The following CHRNA7 variants were observed in gnomAD, a reference collection of about 807,000 sequenced individuals.
CHRNA7 encodes the protein neuronal acetylcholine receptor subunit alpha-7.
Under a neutral mutation model 48.0 loss-of-function variants are expected in CHRNA7, and 17 were observed. That is an observed-to-expected ratio of 0.35 (90% confidence interval 0.24 to 0.53). The LOEUF is 0.53. Ranked by LOEUF, CHRNA7 falls within the 20% of genes least tolerant of loss-of-function variation. The pLI is 0.92. For synonymous variants in CHRNA7, 75 were observed against 242.3 expected (o/e 0.31, Z 6.41); for missense variants, 155 against 577.7 (o/e 0.27, Z 7.50).
intron 4 of CHRNA7, among the ~76,000 whole-genome samples, chr15:32,136,797 C>T (rs1007015274): frequency 4.0e-5 from 6 of 151,736 alleles, no homozygotes; most frequent in Middle Eastern, 3.4e-3. Flanking sequence ...TGTGGGAGGC[C>T]GGGGCGGGCG....
chr15:32,067,644 T>C (rs2049987687), intron 2 of CHRNA7, among the ~76,000 whole-genome samples: 1 of 152,184 alleles, frequency 6.6e-6, no homozygotes, highest in Non-Finnish European at 1.5e-5. Flanking sequence ...TCATAACTCT[T>C]TTTTTCTCCT....
chr15:32,111,677 G>C, intron 3 of CHRNA7, 113 bp from the exon 4 acceptor site: 1 of 633,418 alleles, frequency 1.6e-6, no homozygotes, highest in Non-Finnish European at 2.8e-6. Context: ...TAGCAATTCA[G>C]TTATAATAAA....
chr15:32,117,539 A>T (rs1193287383), intron 4 of CHRNA7, among the ~76,000 whole-genome samples: 1 of 152,182 alleles, frequency 6.6e-6, no homozygotes, highest in Non-Finnish European at 1.5e-5. Flanking sequence ...GGTAGGGAGC[A>T]TAGCAACAAT....
chr15:32,148,856 C>G (rs919915184), intron 4 of CHRNA7, among the ~76,000 whole-genome samples: 11 of 152,358 alleles, frequency 7.2e-5, no homozygotes, highest in Admixed American at 7.2e-4. Context: ...CCACCATGCC[C>G]TCCGCCAGGG....
rs975838416 is a variant in CHRNA7 at position 32,033,409 on chromosome 15, G to A, written c.195+2372G>A. Reference sequence around the variant, plus strand: ...AGAAGGGTGTGGTCACATGCCCAAGGTCACTCTGTGATTAGAGGTAGGGCT... The same window carrying A: ...AGAAGGGTGTGGTCACATGCCCAAGATCACTCTGTGATTAGAGGTAGGGCT... On this transcript the variant is annotated intron_variant, in intron 2 of 9. Transcript: ENST00000306901. Among the ~76,000 whole-genome samples the A allele has an allele frequency of 5.3e-5, 8 of 152,188 alleles. 1 individual carries two copies. Among genetic ancestry groups the A allele is most frequent in the African/African-American group, 1.9e-4 (8 of 41,448 alleles).
At chr15:32,146,861 G>A (rs886398085) in intron 4 of CHRNA7, among the ~76,000 whole-genome samples, 3 of 152,120 alleles carry the variant, frequency 2.0e-5, no homozygotes, top group Non-Finnish European at 4.4e-5. Flanking sequence ...ACAATGATGA[G>A]CAAAGGATCA....
At chr15:32,127,791 C>G (rs932467428) in intron 4 of CHRNA7, among the ~76,000 whole-genome samples, 2 of 152,044 alleles carry the variant, frequency 1.3e-5, no homozygotes, top group African/African-American at 4.8e-5. Context: ...GGGTCTTTCA[C>G]AGAGTAAACA....
intron 4 of CHRNA7, among the ~76,000 whole-genome samples, chr15:32,136,037 G>A (rs910020629): frequency 6.6e-6 from 1 of 152,092 alleles, no homozygotes; most frequent in Non-Finnish European, 1.5e-5. Context: ...TATACTAAAG[G>A]AGTTTACCGT....
At chr15:32,079,762 T>C (rs1388489573) in intron 2 of CHRNA7, among the ~76,000 whole-genome samples, 3 of 149,242 alleles carry the variant, frequency 2.0e-5, no homozygotes, top group African/African-American at 7.3e-5. Flanking sequence ...AAATTACCAT[T>C]GACATTCTTC....
At chr15:32,121,643 C>T (rs1032076376) in intron 4 of CHRNA7, among the ~76,000 whole-genome samples, 1 of 152,202 alleles carries the variant, frequency 6.6e-6, no homozygotes, top group Non-Finnish European at 1.5e-5. Flanking sequence ...GGCAACTGTT[C>T]ACGGCAGGGT....
At chr15:32,036,372 TA>T (rs1371678818) in intron 2 of CHRNA7, among the ~76,000 whole-genome samples, 1 of 152,218 alleles carries the variant, frequency 6.6e-6, no homozygotes, top group Non-Finnish European at 1.5e-5. Flanking sequence ...TTTTGGCAAT[TA>T]TGAGTAAAGC....
At chr15:32,069,175 A>AC (rs2050014546) in intron 2 of CHRNA7, among the ~76,000 whole-genome samples, 1 of 152,246 alleles carries the variant, frequency 6.6e-6, no homozygotes, top group Non-Finnish European at 1.5e-5. Context: ...AAATGAAAAG[A>AC]CAACTCACAG....
chr15:32,132,956 C>G (rs1486851868), intron 4 of CHRNA7, among the ~76,000 whole-genome samples: 1 of 152,176 alleles, frequency 6.6e-6, no homozygotes, highest in African/African-American at 2.4e-5. Context: ...TTTAAAAAAT[C>G]AGCCTGATCA....
At chr15:32,050,475 G>A (rs1049627736) in intron 2 of CHRNA7, among the ~76,000 whole-genome samples, 7 of 151,994 alleles carry the variant, frequency 4.6e-5, no homozygotes, top group African/African-American at 7.3e-5. Flanking sequence ...TGTAGTTCTC[G>A]AGCCTTGGCT....
chr15:32,065,511 G>A (rs1358608763), intron 2 of CHRNA7, among the ~76,000 whole-genome samples: 1 of 152,256 alleles, frequency 6.6e-6, no homozygotes, highest in Non-Finnish European at 1.5e-5. Context: ...GATATCAACT[G>A]AGGAAGATAA....
intron 2 of CHRNA7, among the ~76,000 whole-genome samples, chr15:32,066,276 A>G (rs2049964454): frequency 6.8e-6 from 1 of 146,300 alleles, no homozygotes; most frequent in African/African-American, 2.5e-5. Context: ...GATTTTTCAC[A>G]TTATAGTATT....
At chr15:32,050,342 TTTC>T (rs1392231616) in intron 2 of CHRNA7, among the ~76,000 whole-genome samples, 2 of 152,152 alleles carry the variant, frequency 1.3e-5, no homozygotes, top group African/African-American at 4.8e-5. Flanking sequence ...GCTTTGTTCG[TTTC>T]TTTTTATTCT....
At chr15:32,124,617 A>G (rs964939626) in intron 4 of CHRNA7, among the ~76,000 whole-genome samples, 10 of 152,220 alleles carry the variant, frequency 6.6e-5, no homozygotes, top group African/African-American at 9.6e-5. Flanking sequence ...AAACTGGCAA[A>G]CAAAGCTGAC....
chr15:32,148,146 T>C (rs2051531037), intron 4 of CHRNA7, among the ~76,000 whole-genome samples: 1 of 152,240 alleles, frequency 6.6e-6, no homozygotes, highest in Admixed American at 6.5e-5. Flanking sequence ...AGGGTCATCC[T>C]GAACCCATGC....
Sources: allele counts gnomAD v4.1 joint callset (sites outside exome capture counted in the v4.1 genomes callset), GRCh38; gene constraint gnomAD v4.1.1; transcripts MANE v1.5; gene names NCBI Gene and HGNC (gene_info 2026-07-23, HGNC 2026-07-21).